Variants in CHSY3 observed in about 807,000 individuals in gnomAD.
CHSY3 encodes the protein chondroitin sulfate synthase 3.
A neutral mutation model predicts 67.2 loss-of-function variants in CHSY3; 35 were observed. The observed-to-expected ratio is 0.52, with a 90% CI of 0.40 to 0.69. CHSY3 has a LOEUF of 0.69. CHSY3 is among the 30% of genes least tolerant of loss of function. CHSY3 has a pLI of 0.00. For missense variants in CHSY3, 1,069 were observed against 1,138.5 expected, an observed-to-expected ratio of 0.94 and a Z score of 0.88; for synonymous variants, 474 against 434.7, an observed-to-expected ratio of 1.09 and a Z score of -1.12.
chr5:130,005,872 A>G (rs1052278600), intron 2 of CHSY3, among the ~76,000 whole-genome samples: 2 of 152,214 alleles, frequency 1.3e-5, no homozygotes. Flanking sequence ...ACATTAATTC[A>G]TGCCTTTGTT....
chr5:129,919,379 CA>C (rs1054589511), intron 2 of CHSY3, among the ~76,000 whole-genome samples: 6 of 152,216 alleles, frequency 3.9e-5, no homozygotes, highest in African/African-American at 1.4e-4. Flanking sequence ...CAGTTGCACT[CA>C]GTGGACATAG....
At chr5:130,039,066 T>C (rs1007631157) in intron 2 of CHSY3, among the ~76,000 whole-genome samples, 2 of 152,138 alleles carry the variant, frequency 1.3e-5, no homozygotes, top group Non-Finnish European at 2.9e-5. Context: ...ATTAGGGTTA[T>C]AATATTTTCA....
chr5:130,065,163 T>G lies in CHSY3; in HGVS notation c.1087-119066T>G, dbSNP rs866351128. ...TTTTAAAGTGTTTTTTTATGGTGGTTGTTTCAATTTTGCCTGTAAAATATG... is the reference window on the plus strand; with the variant it reads ...TTTTAAAGTGTTTTTTTATGGTGGTGGTTTCAATTTTGCCTGTAAAATATG... On this transcript the variant is annotated intron_variant, in intron 2 of 2. Transcript: ENST00000305031. Among the ~76,000 whole-genome samples the G allele has an allele frequency of 7.2e-5, 11 of 152,164 alleles. No individual in the cohort carries two copies. In the South Asian group the frequency reaches 1.0e-3, roughly 14 times the overall value.
At chr5:130,182,716 T>C (rs888337144) in intron 2 of CHSY3, among the ~76,000 whole-genome samples, 19 of 152,084 alleles carry the variant, frequency 1.2e-4, no homozygotes, top group Non-Finnish European at 2.2e-4. Flanking sequence ...AATATCCTAC[T>C]GATCTGGCAC....
intron 2 of CHSY3, among the ~76,000 whole-genome samples, chr5:130,020,461 A>ATATATATTTT (rs1371121130): frequency 8.7e-4 from 69 of 79,750 alleles, no homozygotes; most frequent in Non-Finnish European, 1.2e-3. Flanking sequence ...ATATATATAT[A>ATATATATTTT]TTTTTTTTTT....
Position 129,986,801 on chromosome 5 carries a change from C to A in CHSY3, c.1086+78441C>A, listed in dbSNP as rs1256438701. Among the ~76,000 whole-genome samples the A allele has an allele frequency of 7.2e-5, 11 of 152,186 alleles. No homozygotes were observed. In the South Asian group the frequency reaches 2.1e-3, roughly 29 times the overall value. The stretch of plus-strand genomic sequence containing the variant: ...GGGATTACAGGCATGTGCCACTGCA[C>A]CCAGCTAATTTTTGTATTTTTTGTA... On this transcript the variant is annotated intron_variant, in intron 2 of 2. Coordinates refer to ENST00000305031, the MANE Select transcript of CHSY3 (RefSeq NM_175856.5).
chr5:130,129,307 A>T (rs1768403552), intron 2 of CHSY3, among the ~76,000 whole-genome samples: 1 of 152,122 alleles, frequency 6.6e-6, no homozygotes, highest in South Asian at 2.1e-4. Flanking sequence ...TTTCACAAAG[A>T]TCTCTACTCA....
At chr5:130,087,932 A>G (rs1766713111) in intron 2 of CHSY3, among the ~76,000 whole-genome samples, 1 of 152,086 alleles carries the variant, frequency 6.6e-6, no homozygotes, top group African/African-American at 2.4e-5. Context: ...CCAAAAGAAC[A>G]AAGCTGGAGG....
intron 2 of CHSY3, among the ~76,000 whole-genome samples, chr5:130,019,152 T>G (rs1764295300): frequency 6.6e-6 from 1 of 152,140 alleles, no homozygotes; most frequent in South Asian, 2.1e-4. Flanking sequence ...AAAAAAATTT[T>G]TTTTTCTAAA....
intron 2 of CHSY3, among the ~76,000 whole-genome samples, chr5:130,056,369 G>T (rs1190128806): frequency 6.6e-6 from 1 of 151,322 alleles, no homozygotes; most frequent in Non-Finnish European, 1.5e-5. Flanking sequence ...CATTTATTGT[G>T]GTTCCCATCT....
chr5:130,146,945 C>T (rs1769092033), intron 2 of CHSY3, among the ~76,000 whole-genome samples: 2 of 152,104 alleles, frequency 1.3e-5, no homozygotes, highest in South Asian at 4.2e-4. Flanking sequence ...AGGTGCCTGC[C>T]ACCATGCCCA....
At chr5:130,182,876 T>C (rs1419188114) in intron 2 of CHSY3, among the ~76,000 whole-genome samples, 1 of 152,084 alleles carries the variant, frequency 6.6e-6, no homozygotes. Flanking sequence ...TGATTTTATT[T>C]TTTTCTCCCT....
intron 2 of CHSY3, among the ~76,000 whole-genome samples, chr5:130,017,502 T>C (rs568947354): frequency 1.3e-5 from 2 of 152,212 alleles, no homozygotes; most frequent in East Asian, 1.9e-4. Flanking sequence ...CTAATCCTGA[T>C]GGAAGTGAAA....
intron 2 of CHSY3, chr5:130,140,696 C>T (rs904576124): frequency 2.6e-5 from 8 of 309,894 alleles, no homozygotes; most frequent in African/African-American, 1.3e-4. Context: ...CATAGCCACC[C>T]ACTTGGGTTG....
Position 130,046,781 on chromosome 5 carries a change from A to G in CHSY3, c.1087-137448A>G, listed in dbSNP as rs552924563. On this transcript the variant is annotated intron_variant, in intron 2 of 2. Coordinates refer to ENST00000305031, the MANE Select transcript of CHSY3 (RefSeq NM_175856.5). ...AAAATCAGCATTTCAGTTTTTTTAA[A>G]TTTACTATTAAAAATGCCTGTATAG... 6.6e-5 allele frequency among the ~76,000 whole-genome samples: 10 copies of G among 152,198 alleles called. No homozygotes were observed. In the East Asian group the frequency reaches 1.9e-3, roughly 29 times the overall value.
intron 2 of CHSY3, among the ~76,000 whole-genome samples, chr5:130,094,965 C>A (rs1232431282): frequency 6.6e-6 from 1 of 151,990 alleles, no homozygotes; most frequent in Non-Finnish European, 1.5e-5. Flanking sequence ...AGGAGTCCCA[C>A]TGTTAAGAGT....
At chr5:130,044,236 T>A (rs1765082337) in intron 2 of CHSY3, among the ~76,000 whole-genome samples, 2 of 152,068 alleles carry the variant, frequency 1.3e-5, no homozygotes, top group East Asian at 3.9e-4. Context: ...ACTAAGAAAG[T>A]AATATAAAAA....
At chr5:129,940,175 G>T (rs979722980) in intron 2 of CHSY3, among the ~76,000 whole-genome samples, 5 of 152,018 alleles carry the variant, frequency 3.3e-5, no homozygotes, top group African/African-American at 7.2e-5. Context: ...TCTACACAGA[G>T]TATAAGAAAT....
chr5:129,976,915 T>C (rs901261530), intron 2 of CHSY3, among the ~76,000 whole-genome samples: 5 of 49,654 alleles, frequency 1.0e-4, no homozygotes, highest in Non-Finnish European at 1.4e-4. Flanking sequence ...AGAGAAGACA[T>C]ATATATATAT....
Sources: allele counts gnomAD v4.1 joint callset (sites outside exome capture counted in the v4.1 genomes callset), GRCh38; gene constraint gnomAD v4.1.1; transcripts MANE v1.5; gene names NCBI Gene and HGNC (gene_info 2026-07-23, HGNC 2026-07-21).